The following PKNOX2 variants were observed in gnomAD, a reference collection of about 807,000 sequenced individuals.
The protein encoded by PKNOX2 is PBX/knotted 1 homeobox 2.
In PKNOX2, 14 loss-of-function variants were observed where a neutral mutation model predicts 53.1. The ratio of observed to expected loss-of-function variants is 0.26; its 90% confidence interval spans 0.17 to 0.41. The LOEUF is 0.41. PKNOX2 is among the 10% of genes least tolerant of loss of function. PKNOX2 has a pLI of 1.00. For synonymous variants in PKNOX2, 257 were observed against 242.8 expected (o/e 1.06, Z -0.54); for missense variants, 496 against 602.8 (o/e 0.82, Z 1.85).
At chr11:125,384,086 T>C (rs1288429773) in intron 5 of PKNOX2, among the ~76,000 whole-genome samples, 1 of 152,216 alleles carries the variant, frequency 6.6e-6, no homozygotes, top group Non-Finnish European at 1.5e-5. Context: ...CAACAACCCA[T>C]GCACTCGCAT....
chr11:125,402,559 T>A (rs1439238800), intron 7 of PKNOX2, among the ~76,000 whole-genome samples: 1 of 152,174 alleles, frequency 6.6e-6, no homozygotes, highest in Non-Finnish European at 1.5e-5. Flanking sequence ...CTGTGCTAGG[T>A]CCTGTGAGAA....
chr11:125,325,262 A>G (rs1272534379), intron 2 of PKNOX2, among the ~76,000 whole-genome samples: 1 of 152,112 alleles, frequency 6.6e-6, no homozygotes, highest in African/African-American at 2.4e-5. Context: ...CATTTAATAG[A>G]TGCACGTTGA....
intron 5 of PKNOX2, among the ~76,000 whole-genome samples, chr11:125,378,993 A>T (rs1953032344): frequency 6.7e-6 from 1 of 149,320 alleles, no homozygotes; most frequent in East Asian, 2.0e-4. Context: ...TTTTAAACCC[A>T]GGTGGTCCAA....
At chr11:125,249,769 A>C (rs1462942621) in intron 2 of PKNOX2, among the ~76,000 whole-genome samples, 2 of 152,192 alleles carry the variant, frequency 1.3e-5, no homozygotes, top group African/African-American at 4.8e-5. Context: ...GGGCGACAAA[A>C]TTAAAATAAA....
intron 2 of PKNOX2, among the ~76,000 whole-genome samples, chr11:125,243,364 G>T (rs901641749): frequency 3.3e-5 from 5 of 152,206 alleles, no homozygotes; most frequent in Admixed American, 3.3e-4. Flanking sequence ...GGATGAGTCT[G>T]AGAAAGTGGG....
At chr11:125,315,328 A>AAAAAAC (rs1201379428) in intron 2 of PKNOX2, among the ~76,000 whole-genome samples, 3 of 144,814 alleles carry the variant, frequency 2.1e-5, no homozygotes, top group African/African-American at 8.2e-5. Flanking sequence ...AAAAAAAAAA[A>AAAAAAC]CACCTCTCTC....
intron 3 of PKNOX2, among the ~76,000 whole-genome samples, chr11:125,349,837 T>TCTCACA (rs751372092): frequency 7.2e-6 from 1 of 138,040 alleles, no homozygotes; most frequent in Non-Finnish European, 1.6e-5. Flanking sequence ...ACCAAAAGAA[T>TCTCACA]CACACACACA....
Position 125,370,867 on chromosome 11 carries a change from T to C in PKNOX2, c.227+2882T>C, listed in dbSNP as rs1452033494. Among the ~76,000 whole-genome samples, 2 of 152,212 alleles carry C rather than the reference T, an allele frequency of 1.3e-5. No individual in the cohort carries two copies. The highest frequency in any genetic ancestry group is 2.4e-5 in the African/African-American group (1 of 41,442). On this transcript the variant is annotated intron_variant, in intron 5 of 12. Transcript: ENST00000298282. This position sits in a 1 kb window ranked among gnomAD's most constrained non-coding sequence, Gnocchi z 4.1. Reference sequence around the variant, plus strand: ...TATGTCAATAAGTGTAACCAGACCCTTTCCATTCAGATGAGTGCCCCACAC... The same window carrying C: ...TATGTCAATAAGTGTAACCAGACCCCTTCCATTCAGATGAGTGCCCCACAC...
intron 1 of PKNOX2, among the ~76,000 whole-genome samples, chr11:125,230,220 G>A (rs758332072): frequency 2.0e-5 from 3 of 152,232 alleles, no homozygotes; most frequent in Non-Finnish European, 4.4e-5. Flanking sequence ...TACCCTCAGT[G>A]CTGGATGCAT....
At position 125,321,607 on chromosome 11, in the gene PKNOX2, G is replaced by C. The variant is rs534271501; in HGVS notation, c.-129-10212G>C. ...CAGATGTGGAACCCACAGATACAGA[G>C]GGCTGACCATGTTCAACGCTGTCAT... On this transcript the variant is annotated intron_variant, in intron 2 of 12. Transcript: ENST00000298282. 1.8e-3 allele frequency among the ~76,000 whole-genome samples: 274 copies of C among 152,300 alleles called. 3 individuals are homozygous for C. The highest frequency in any genetic ancestry group is 6.8e-3 in the Middle Eastern group (2 of 294).
At chr11:125,247,270 T>G (rs1943635460) in intron 2 of PKNOX2, among the ~76,000 whole-genome samples, 1 of 152,208 alleles carries the variant, frequency 6.6e-6, no homozygotes, top group African/African-American at 2.4e-5. Flanking sequence ...CATGTTTACC[T>G]GGTTGGAACC....
chr11:125,410,215 C>T lies in PKNOX2; in HGVS notation c.608C>T (p.Pro203Leu). Residue 203 changes from proline to leucine, a missense_variant, in exon 8 of 13, where the codon CCC becomes CTC. Transcript: ENST00000298282. The stretch of plus-strand genomic sequence containing the variant: ...TGCCAGGACCTCCTGCAGAATTCCC[C>T]CAATTCCATGTCCGGAGTCTCCAAT... ...LHSQDLLQNS[P>L]NSMSGVSNNP... 6.2e-7 allele frequency: 1 copy of T among 1,613,992 alleles called. No individual in the cohort carries two copies. Among genetic ancestry groups the T allele is most frequent in the Non-Finnish European group, 8.5e-7 (1 of 1,179,930 alleles).
intron 3 of PKNOX2, among the ~76,000 whole-genome samples, chr11:125,339,471 C>G (rs56329540): frequency 0.086 from 13,052 of 152,226 alleles, 1,847 homozygotes; most frequent in African/African-American, 0.29. Context: ...TGCCTCTTAG[C>G]CTGTGCGTCA....
intron 2 of PKNOX2, among the ~76,000 whole-genome samples, chr11:125,288,524 G>T (rs950394360): frequency 6.6e-6 from 1 of 152,214 alleles, no homozygotes; most frequent in East Asian, 1.9e-4. Flanking sequence ...TCTCCCACAC[G>T]TTCTTTCAAG....
intron 3 of PKNOX2, among the ~76,000 whole-genome samples, chr11:125,344,938 A>C (rs1441769008): frequency 6.6e-6 from 1 of 152,010 alleles, no homozygotes; most frequent in Non-Finnish European, 1.5e-5. Flanking sequence ...GTTCCTCTGC[A>C]CCTGTCCCTC....
Position 125,213,182 on chromosome 11 carries a change from G to A in PKNOX2, c.-200-21863G>A, listed in dbSNP as rs116762789. ...TCAAAATGCTATCATCCTTTGTGGC[G>A]TCCCTTTGTGTCTAAGCCCCAAGTT... On this transcript the variant is annotated intron_variant, in intron 1 of 12. Transcript: ENST00000298282. Among the ~76,000 whole-genome samples, 1,096 of 152,010 alleles carry A rather than the reference G, an allele frequency of 7.2e-3. 19 individuals are homozygous for A. The highest frequency in any genetic ancestry group is 0.025 in the African/African-American group (1,044 of 41,464).
chr11:125,402,014 A>G (rs1954785586), intron 7 of PKNOX2, among the ~76,000 whole-genome samples: 1 of 152,040 alleles, frequency 6.6e-6, no homozygotes, highest in South Asian at 2.1e-4. Flanking sequence ...AGCGGGAGAC[A>G]TTTTTGTTTT....
At chr11:125,257,232 A>C (rs1389797230) in intron 2 of PKNOX2, among the ~76,000 whole-genome samples, 1 of 152,188 alleles carries the variant, frequency 6.6e-6, no homozygotes, top group East Asian at 1.9e-4. Flanking sequence ...CACTAGAGGA[A>C]TCCCTGCTCC....
intron 4 of PKNOX2, among the ~76,000 whole-genome samples, chr11:125,360,326 G>T (rs1345616803): frequency 2.0e-5 from 3 of 152,046 alleles, no homozygotes; most frequent in Non-Finnish European, 4.4e-5. Flanking sequence ...ACAGGGGGTG[G>T]GATTTGGATT....
Sources: gnomAD v4.1 joint callset for allele counts (sites outside exome capture counted in the v4.1 genomes callset) on GRCh38, gnomAD v4.1.1 for gene constraint, Gnocchi (gnomAD v3.1) non-coding constraint, MANE v1.5 for transcripts, NCBI Gene and HGNC (gene_info 2026-07-23, HGNC 2026-07-21) for gene names.